SHQ1: variants seen among roughly 807,000 people sequenced by gnomAD.
The protein encoded by SHQ1 is protein SHQ1 homolog.
Under a neutral mutation model 53.8 loss-of-function variants are expected in SHQ1, and 49 were observed. The ratio of observed to expected loss-of-function variants is 0.91; its 90% CI spans 0.72 to 1.16. The LOEUF is 1.16. Ranked by LOEUF, SHQ1 falls within the 50% of genes most tolerant of loss-of-function variation. The pLI is 0.00. For synonymous variants in SHQ1, 243 were observed against 251.0 expected (o/e 0.97, Z 0.30); for missense variants, 738 against 683.1 (o/e 1.08, Z -0.90).
At chr3:72,737,896 C>T in the SHQ1 span, among the ~76,000 whole-genome samples, 1 of 152,200 alleles carries the variant, frequency 6.6e-6, no homozygotes, top group African/African-American at 2.4e-5. Context: ...TATTCAATTG[C>T]TTTTCAATTA....
At chr3:72,842,752 G>A (rs1014807808) in intron 2 of SHQ1, among the ~76,000 whole-genome samples, 1 of 152,110 alleles carries the variant, frequency 6.6e-6, no homozygotes, top group African/African-American at 2.4e-5. Flanking sequence ...TCTTAACAAG[G>A]GTTTTTCAGA....
intron 10 of SHQ1, among the ~76,000 whole-genome samples, chr3:72,773,674 G>A (rs1705900219): frequency 6.6e-6 from 1 of 152,054 alleles, no homozygotes; most frequent in Non-Finnish European, 1.5e-5. Flanking sequence ...AAGAAAGGTG[G>A]TGAGACCAAA....
chr3:72,792,807 A>AAAAAAAAAAAAAAT, intron 10 of SHQ1, 109 bp downstream of exon 10: 1 of 809,764 alleles, frequency 1.2e-6, no homozygotes, highest in African/African-American at 1.9e-5. Flanking sequence ...AAAAAAAAAA[A>AAAAAAAAAAAAAAT]AAAACACAAC....
At chr3:72,787,835 C>T (rs950711250) in intron 10 of SHQ1, among the ~76,000 whole-genome samples, 24 of 152,174 alleles carry the variant, frequency 1.6e-4, no homozygotes, top group Non-Finnish European at 2.6e-4. Context: ...CTGCCTCAGC[C>T]TGCCAAGTGC....
chr3:72,750,909 C>T, intron 10 of SHQ1, 73 bp from the exon 11 acceptor site: 2 of 1,283,438 alleles, frequency 1.6e-6, no homozygotes, highest in Non-Finnish European at 2.1e-6. Context: ...TATACAGCTT[C>T]CAAAAAAATA....
At chr3:72,738,864 C>T in the SHQ1 span, among the ~76,000 whole-genome samples, 1 of 152,128 alleles carries the variant, frequency 6.6e-6, no homozygotes, top group Non-Finnish European at 1.5e-5. Flanking sequence ...CCGCCCCGCC[C>T]GGTCCGCGCG....
chr3:72,842,701 C>G (rs1184755723), intron 2 of SHQ1, among the ~76,000 whole-genome samples: 1 of 152,010 alleles, frequency 6.6e-6, no homozygotes, highest in African/African-American at 2.4e-5. Flanking sequence ...AAAACTATGC[C>G]CTCATAGATT....
At chr3:72,788,340 C>T (rs1380915920) in intron 10 of SHQ1, among the ~76,000 whole-genome samples, 1 of 149,222 alleles carries the variant, frequency 6.7e-6, no homozygotes, top group African/African-American at 2.5e-5. Context: ...CATCTGGGAA[C>T]TGAGGAGTGT....
chr3:72,739,317 C>T, the SHQ1 span, among the ~76,000 whole-genome samples: 1 of 152,138 alleles, frequency 6.6e-6, no homozygotes, highest in African/African-American at 2.4e-5. Context: ...TCCTCATCTT[C>T]CTTCCCCCAG....
Position 72,753,476 on chromosome 3 carries a change from C to A in SHQ1, c.1182-2640G>T, listed in dbSNP as rs1705432999. On this transcript the variant is annotated intron_variant, in intron 10 of 10. Transcript: ENST00000325599. Reference sequence around the variant, plus strand: ...AGATTGTGCAGGGATTGCCCCCCACCCCCCACAACCCCTGCTGCCTCTTCA... The same window carrying A: ...AGATTGTGCAGGGATTGCCCCCCACACCCCACAACCCCTGCTGCCTCTTCA... The A allele has an allele frequency of 7.1e-6, 7 of 985,126 alleles. No individual in the cohort carries two copies. In the South Asian group the frequency reaches 3.3e-4, roughly 46 times the overall value. 61.0% of individuals were successfully genotyped at this position (985,126 alleles called of 1,614,324 possible). A position where few individuals can be genotyped will look rare whatever the true frequency, so the allele number is the denominator to read the frequency against.
At chr3:72,768,677 T>C (rs184501381) in intron 10 of SHQ1, among the ~76,000 whole-genome samples, 42 of 152,004 alleles carry the variant, frequency 2.8e-4, no homozygotes, top group African/African-American at 9.6e-4. Flanking sequence ...GTGAGAGGAG[T>C]TGGAAACAGA....
chr3:72,762,024 GT>G (rs957886504), intron 10 of SHQ1, among the ~76,000 whole-genome samples: 1 of 152,138 alleles, frequency 6.6e-6, no homozygotes, highest in African/African-American at 2.4e-5. Context: ...AGCTCCAGCA[GT>G]TTTTTTGAGG....
chr3:72,796,160 C>T (rs925959515), intron 9 of SHQ1, among the ~76,000 whole-genome samples: 1 of 141,646 alleles, frequency 7.1e-6, no homozygotes, highest in African/African-American at 2.6e-5. Flanking sequence ...TTGGAGAAAA[C>T]CATTTGGCTA....
Position 72,750,645 on chromosome 3 carries a change from TC to T in SHQ1, c.1372del (p.Glu458ArgfsTer81), listed in dbSNP as rs1705346668. 6.2e-7 allele frequency: 1 copy of T among 1,613,844 alleles called. No individual in the cohort carries two copies. The highest frequency in any genetic ancestry group is 1.1e-5 in the South Asian group (1 of 91,068). On this transcript the variant is annotated frameshift_variant, in exon 11 of 11. Coordinates refer to ENST00000325599, the MANE Select transcript of SHQ1 (RefSeq NM_018130.3). LOFTEE classifies it low-confidence loss of function (END_TRUNC). Reference sequence around the variant, plus strand: ...AGATGACACGCTGCTGTCTGAGTCCTCCGAATCACTTGCCTCAGAGCTGGAG... The same window carrying T: ...AGATGACACGCTGCTGTCTGAGTCCTCGAATCACTTGCCTCAGAGCTGGAG... ...LCSSSEASDS[E>X]DSDSSVSSGN...
chr3:72,725,431 C>T, the SHQ1 span, among the ~76,000 whole-genome samples: 1 of 152,112 alleles, frequency 6.6e-6, no homozygotes, highest in African/African-American at 2.4e-5. Context: ...GTGGAAAGTT[C>T]TCATCCTGGG....
chr3:72,839,964 G>A (rs2106951583), intron 4 of SHQ1, among the ~76,000 whole-genome samples: 1 of 152,146 alleles, frequency 6.6e-6, no homozygotes, highest in East Asian at 2.0e-4. Context: ...GTTTCACCGT[G>A]TTAGCCAAGA....
At chr3:72,760,861 G>A (rs1332884890) in intron 10 of SHQ1, among the ~76,000 whole-genome samples, 1 of 152,080 alleles carries the variant, frequency 6.6e-6, no homozygotes, top group East Asian at 1.9e-4. Context: ...AAAAGTCCCT[G>A]GCAGAAAATA....
intron 10 of SHQ1, chr3:72,753,398 G>A (rs1221277027): frequency 3.0e-6 from 3 of 985,222 alleles, no homozygotes; most frequent in Non-Finnish European, 3.6e-6. Context: ...TTTTAATCTG[G>A]GTGCCTGCAT....
intron 5 of SHQ1, 101 bp from the exon 6 acceptor site, chr3:72,824,652 T>C: frequency 7.5e-7 from 1 of 1,329,338 alleles, no homozygotes; most frequent in South Asian, 1.5e-5. Context: ...ATACAGATTT[T>C]AATTCAAAGT....
Sources: allele counts gnomAD v4.1 joint callset (sites outside exome capture counted in the v4.1 genomes callset), GRCh38; gene constraint gnomAD v4.1.1; transcripts MANE v1.5; gene names NCBI Gene and HGNC (gene_info 2026-07-23, HGNC 2026-07-21).